Variants in SHISA6 observed in about 807,000 individuals in gnomAD.
SHISA6 encodes shisa family member 6, also known as protein shisa-6.
Under a neutral mutation model 47.9 loss-of-function variants are expected in SHISA6, and 22 were observed. The ratio of observed to expected loss-of-function variants is 0.46; its 90% CI spans 0.33 to 0.66. The LOEUF (loss-of-function observed/expected upper bound fraction) is 0.66. SHISA6 is among the 30% of genes least tolerant of loss of function. The pLI, the probability that SHISA6 is intolerant of heterozygous loss-of-function variation, is 0.02. For synonymous variants in SHISA6, 388 were observed against 337.8 expected, an observed-to-expected ratio of 1.15 and a Z score of -1.63; for missense variants, 680 against 764.6, an observed-to-expected ratio of 0.89 and a Z score of 1.30.
At chr17:11,353,670 A>T (rs868242659) in intron 2 of SHISA6, among the ~76,000 whole-genome samples, 4 of 152,150 alleles carry the variant, frequency 2.6e-5, no homozygotes, top group South Asian at 2.1e-4. Flanking sequence ...TCGCATCATC[A>T]TGGATGTGTG....
chr17:11,274,972 A>T (rs4791458), intron 2 of SHISA6, among the ~76,000 whole-genome samples: 12 of 151,606 alleles, frequency 7.9e-5, no homozygotes, highest in African/African-American at 2.9e-4. Context: ...AGAGCCTGGA[A>T]AACGGCGATG....
chr17:11,494,040 A>G (rs1449982062), intron 3 of SHISA6, among the ~76,000 whole-genome samples: 1 of 152,174 alleles, frequency 6.6e-6, no homozygotes, highest in Non-Finnish European at 1.5e-5. Context: ...CTCTGCAAGC[A>G]TAAGGCAGTC....
intron 3 of SHISA6, among the ~76,000 whole-genome samples, chr17:11,409,385 T>C (rs1914050618): frequency 6.6e-6 from 1 of 152,060 alleles, no homozygotes; most frequent in South Asian, 2.1e-4. Flanking sequence ...AATATTCTAG[T>C]TCATGGGGCT....
chr17:11,288,440 C>T (rs1390239511), intron 2 of SHISA6: 5 of 146,456 alleles, frequency 3.4e-5, no homozygotes, highest in Non-Finnish European at 3.0e-5. Flanking sequence ...CTCTCTTTCT[C>T]TCTTTTTCCT....
intron 3 of SHISA6, among the ~76,000 whole-genome samples, chr17:11,537,395 G>A (rs1313559265): frequency 6.6e-6 from 1 of 152,080 alleles, no homozygotes; most frequent in Non-Finnish European, 1.5e-5. Flanking sequence ...AGAGTCAAAG[G>A]CCTGCCTCTG....
intron 2 of SHISA6, among the ~76,000 whole-genome samples, chr17:11,274,036 T>C (rs1235510121): frequency 6.6e-6 from 1 of 152,214 alleles, no homozygotes; most frequent in Non-Finnish European, 1.5e-5. Context: ...AGCAAAGCTT[T>C]CCAGAAGCCA....
At chr17:11,512,995 C>T (rs529804435) in intron 3 of SHISA6, among the ~76,000 whole-genome samples, 8 of 151,986 alleles carry the variant, frequency 5.3e-5, no homozygotes, top group Middle Eastern at 3.4e-3. Flanking sequence ...TTTAATGAAA[C>T]GGCTGGGTGA....
chr17:11,475,029 G>A lies in SHISA6; in HGVS notation c.896-76867G>A, dbSNP rs1177654625. On this transcript the variant is annotated intron_variant, in intron 3 of 5. Transcript: ENST00000441885. ...CTGTGATTTTTTTAAGCAGAGTTTC[G>A]TATCACTCAGATAAATCTTACACAC... Among the ~76,000 whole-genome samples, 6 of 152,088 alleles carry A rather than the reference G, an allele frequency of 3.9e-5. No individual in the cohort carries two copies. In the East Asian group the frequency reaches 5.8e-4, roughly 15 times the overall value.
intron 3 of SHISA6, among the ~76,000 whole-genome samples, chr17:11,500,803 G>T (rs1442939505): frequency 2.6e-5 from 4 of 152,196 alleles, no homozygotes; most frequent in Admixed American, 6.5e-5. Flanking sequence ...ATCTCAGAAA[G>T]TGCTATTGGA....
At chr17:11,325,471 C>T (rs112051968) in intron 2 of SHISA6, among the ~76,000 whole-genome samples, 266 of 152,298 alleles carry the variant, frequency 1.7e-3, no homozygotes, top group African/African-American at 5.9e-3. Context: ...CCCCTAATTC[C>T]GGGGCACTGA....
At chr17:11,445,433 T>C (rs915651966) in intron 3 of SHISA6, among the ~76,000 whole-genome samples, 1 of 152,204 alleles carries the variant, frequency 6.6e-6, no homozygotes, top group African/African-American at 2.4e-5. Context: ...CTCACACATA[T>C]ATCCTTGCAA....
At chr17:11,278,685 G>T (rs763314720) in intron 2 of SHISA6, among the ~76,000 whole-genome samples, 1 of 152,202 alleles carries the variant, frequency 6.6e-6, no homozygotes, top group Non-Finnish European at 1.5e-5. Flanking sequence ...GCAGCTGGGC[G>T]AAGGCCACAT....
chr17:11,445,141 C>T (rs575755150), intron 3 of SHISA6, among the ~76,000 whole-genome samples: 2 of 152,056 alleles, frequency 1.3e-5, no homozygotes, highest in East Asian at 1.9e-4. Context: ...ACGTTTTTCC[C>T]GGTGGTAGAC....
intron 3 of SHISA6, among the ~76,000 whole-genome samples, chr17:11,440,602 G>A (rs879671503): frequency 8.1e-5 from 12 of 147,532 alleles, no homozygotes; most frequent in South Asian, 4.3e-4. Flanking sequence ...CTAAGCATCC[G>A]TTTGCTCATC....
chr17:11,421,502 G>C (rs1037655550), intron 3 of SHISA6, among the ~76,000 whole-genome samples: 11 of 152,252 alleles, frequency 7.2e-5, no homozygotes, highest in African/African-American at 2.6e-4. Flanking sequence ...GCACTGCCTA[G>C]GTCTTGTACT....
intron 3 of SHISA6, among the ~76,000 whole-genome samples, chr17:11,530,225 G>A (rs974454423): frequency 2.0e-5 from 3 of 152,036 alleles, no homozygotes; most frequent in Non-Finnish European, 4.4e-5. Context: ...CCATTGAAAT[G>A]GAAACAACCT....
intron 2 of SHISA6, among the ~76,000 whole-genome samples, chr17:11,287,455 G>A (rs1909349344): frequency 6.6e-6 from 1 of 151,690 alleles, no homozygotes; most frequent in Non-Finnish European, 1.5e-5. Context: ...GGAGTGCGAG[G>A]CAGGAGGATC....
chr17:11,288,272 A>T (rs114285672), intron 2 of SHISA6: 59 of 152,316 alleles, frequency 3.9e-4, no homozygotes, highest in African/African-American at 1.2e-3. Context: ...TCTAAAGCAT[A>T]ATTTATTCAG....
chr17:11,497,025 C>T lies in SHISA6; in HGVS notation c.896-54871C>T, dbSNP rs141149770. On this transcript the variant is annotated intron_variant, in intron 3 of 5. Transcript: ENST00000441885. ...CAGACCAGATTCAGTTTGCATGCTG[C>T]CTCCCATAAGTTTGGACACTGAGCT... Among the ~76,000 whole-genome samples, 21 of 152,324 alleles carry T rather than the reference C, an allele frequency of 1.4e-4. No homozygotes were observed. The East Asian group carries it at 4.1e-3, about 29-fold the overall frequency.
Sources: allele counts gnomAD v4.1 joint callset (sites outside exome capture counted in the v4.1 genomes callset), GRCh38; gene constraint gnomAD v4.1.1; transcripts MANE v1.5; gene names NCBI Gene and HGNC (gene_info 2026-07-23, HGNC 2026-07-21).